COBLL1: variants seen among roughly 807,000 people sequenced by gnomAD.
The protein encoded by COBLL1 is cordon-bleu protein-like 1.
COBLL1 carries 50 observed loss-of-function variants against 94.8 expected under a neutral mutation model. The observed-to-expected ratio is 0.53, with a 90% CI of 0.42 to 0.67. The LOEUF (loss-of-function observed/expected upper bound fraction) is 0.67. COBLL1 is among the 30% of genes least tolerant of loss of function. The pLI, the probability that COBLL1 is intolerant of heterozygous loss-of-function variation, is 0.00. For synonymous variants in COBLL1, 448 were observed against 473.8 expected, an observed-to-expected ratio of 0.95 and a Z score of 0.71; for missense variants, 1,362 against 1,348.7, an observed-to-expected ratio of 1.01 and a Z score of -0.15.
intron 13 of COBLL1, chr2:164,687,314 A>T: frequency 1.6e-6 from 1 of 643,524 alleles, no homozygotes; most frequent in Non-Finnish European, 2.8e-6. Context: ...ACTTGTCCAC[A>T]GGGCCACAAC....
At chr2:164,828,950 C>T (rs945294267) in intron 2 of COBLL1, among the ~76,000 whole-genome samples, 2 of 152,136 alleles carry the variant, frequency 1.3e-5, no homozygotes, top group Non-Finnish European at 2.9e-5. Flanking sequence ...ACTCATAACA[C>T]TGATTGCCTC....
At chr2:164,757,716 G>A (rs981428699) in intron 2 of COBLL1, among the ~76,000 whole-genome samples, 31 of 152,038 alleles carry the variant, frequency 2.0e-4, no homozygotes, top group African/African-American at 7.5e-4. Context: ...GGAGCCTGAG[G>A]TGGTAGGATC....
At chr2:164,797,495 AG>A (rs1002428864) in intron 2 of COBLL1, among the ~76,000 whole-genome samples, 1 of 152,166 alleles carries the variant, frequency 6.6e-6, no homozygotes, top group African/African-American at 2.4e-5. Context: ...AAAAACCCTT[AG>A]GGTTATTAAA....
intron 2 of COBLL1, among the ~76,000 whole-genome samples, chr2:164,837,185 T>C (rs1355943668): frequency 6.6e-6 from 1 of 152,098 alleles, no homozygotes; most frequent in East Asian, 1.9e-4. Context: ...AGAATCAAAA[T>C]ATTAAGATCC....
chr2:164,665,530 T>G lies in COBLL1; in HGVS notation n.181+317A>C, dbSNP rs188492428. 3.3e-5 allele frequency among the ~76,000 whole-genome samples: 5 copies of G among 151,668 alleles called. No homozygotes were observed. In the East Asian group the frequency reaches 9.7e-4, roughly 29 times the overall value. On this transcript the variant is annotated intron_variant and non_coding_transcript_variant, in intron 2 of 2. Transcript: ENST00000495084. The stretch of plus-strand genomic sequence containing the variant: ...CTTACTTCAAAAAGATTGAAAACCC[T>G]ACCCCAGAAATTTATTATCAATCTT...
chr2:164,721,338 T>C (rs751017485), intron 7 of COBLL1, among the ~76,000 whole-genome samples: 4 of 152,204 alleles, frequency 2.6e-5, no homozygotes, highest in Non-Finnish European at 5.9e-5. Context: ...CAATCATATA[T>C]ACCTAAAAAT....
chr2:164,798,877 G>A (rs557151933), intron 2 of COBLL1, among the ~76,000 whole-genome samples: 4 of 152,024 alleles, frequency 2.6e-5, no homozygotes, highest in South Asian at 2.1e-4. Flanking sequence ...AAAATTAGCC[G>A]GGCAAGGTGG....
chr2:164,804,200 A>G (rs1268609535), intron 2 of COBLL1, among the ~76,000 whole-genome samples: 2 of 152,092 alleles, frequency 1.3e-5, no homozygotes, highest in Non-Finnish European at 2.9e-5. Flanking sequence ...CTAATATGAA[A>G]AATGGTTTGG....
intron 7 of COBLL1, among the ~76,000 whole-genome samples, chr2:164,705,666 A>G (rs1034791450): frequency 1.3e-5 from 2 of 152,188 alleles, no homozygotes; most frequent in African/African-American, 4.8e-5. Flanking sequence ...ACCAAATGCC[A>G]TGTCATCTTT....
chr2:164,818,740 CAT>C (rs1172758014), intron 2 of COBLL1, among the ~76,000 whole-genome samples: 4 of 147,424 alleles, frequency 2.7e-5, no homozygotes, highest in Non-Finnish European at 6.0e-5. Context: ...CTTATGTAAA[CAT>C]ATAGTATATA....
chr2:164,660,882 A>C, intron 2 of COBLL1, among the ~76,000 whole-genome samples: 1 of 152,216 alleles, frequency 6.6e-6, no homozygotes, highest in East Asian at 1.9e-4. Flanking sequence ...TTAATCAAAT[A>C]GTGATTTAAA....
chr2:164,700,820 G>C, intron 9 of COBLL1, 64 bp from the exon 10 acceptor site: 1 of 961,480 alleles, frequency 1.0e-6, no homozygotes, highest in South Asian at 1.5e-5. Context: ...TGCAATTCTG[G>C]CAAGGAAGGA....
At chr2:164,687,838 T>A in intron 13 of COBLL1, 1 of 301,442 alleles carries the variant, frequency 3.3e-6, no homozygotes, top group East Asian at 6.9e-5. Context: ...GGATAATTAT[T>A]TTGTAATCCT....
At chr2:164,714,942 AATAAT>A (rs1188419722) in intron 7 of COBLL1, among the ~76,000 whole-genome samples, 1 of 152,194 alleles carries the variant, frequency 6.6e-6, no homozygotes, top group African/African-American at 2.4e-5. Context: ...CTGCTCTTTG[AATAAT>A]ATATTTTTCC....
intron 2 of COBLL1, among the ~76,000 whole-genome samples, chr2:164,793,805 G>C (rs144996390): frequency 1.8e-3 from 280 of 152,308 alleles, no homozygotes; most frequent in Non-Finnish European, 1.7e-3. Flanking sequence ...AACCAAGCCT[G>C]CTTTATAGCA....
intron 2 of COBLL1, among the ~76,000 whole-genome samples, chr2:164,798,135 AT>A (rs1316746035): frequency 1.3e-5 from 2 of 152,360 alleles, no homozygotes; most frequent in Non-Finnish European, 2.9e-5. Flanking sequence ...TCACTGCAGA[AT>A]TCTGGCTAGA....
chr2:164,777,491 T>C lies in COBLL1; in HGVS notation c.42-33616A>G, dbSNP rs79554229. ...CTGAAACGTTTTGTATATGCACCTA[T>C]GCACCTGAGGATTCCAGGCAGCATT... On this transcript the variant is annotated intron_variant, in intron 2 of 13. Coordinates refer to ENST00000652658, the MANE Select transcript of COBLL1 (RefSeq NM_001365672.2). 5.0e-3 allele frequency among the ~76,000 whole-genome samples: 766 copies of C among 152,280 alleles called. 10 individuals are homozygous for C. The highest frequency in any genetic ancestry group is 0.017 in the African/African-American group (704 of 41,552).
intron 7 of COBLL1, among the ~76,000 whole-genome samples, chr2:164,707,432 T>C (rs1684660686): frequency 6.6e-6 from 1 of 152,130 alleles, no homozygotes; most frequent in African/African-American, 2.4e-5. Context: ...TGAGCTACCA[T>C]ACCCGGTCAA....
rs756426450 is a variant in COBLL1 at position 164,837,438 on chromosome 2, C to T, written c.41+3718G>A. 26 of 462,030 alleles carry T rather than the reference C, an allele frequency of 5.6e-5. No homozygotes were observed. The East Asian group carries it at 1.3e-3, about 23-fold the overall frequency. 28.6% of individuals were successfully genotyped at this position (462,030 alleles called of 1,614,324 possible). ...AGAGAAGGAAATTACTTTTGACTAT[C>T]GCTCTCTTCTCCAATGCAGCATTTC... On this transcript the variant is annotated intron_variant, in intron 2 of 13. Coordinates refer to ENST00000652658, the MANE Select transcript of COBLL1 (RefSeq NM_001365672.2).
Sources: allele counts gnomAD v4.1 joint callset (sites outside exome capture counted in the v4.1 genomes callset), GRCh38; gene constraint gnomAD v4.1.1; transcripts MANE v1.5; gene names NCBI Gene and HGNC (gene_info 2026-07-23, HGNC 2026-07-21).